Variants in SH3BP4 observed in about 807,000 individuals in gnomAD.
The protein encoded by SH3BP4 is SH3 domain-binding protein 4.
A neutral mutation model predicts 65.5 loss-of-function variants in SH3BP4; 33 were observed. The observed-to-expected ratio is 0.50, with a 90% CI of 0.38 to 0.67. SH3BP4 has a LOEUF of 0.67. SH3BP4 is among the 30% of genes least tolerant of loss of function. The pLI is 0.00. For synonymous variants in SH3BP4, 552 were observed against 545.5 expected (o/e 1.01, Z -0.17); for missense variants, 1,134 against 1,261.4 (o/e 0.90, Z 1.53).
chr2:234,955,547 C>T (rs1309743246), intron 1 of SH3BP4, among the ~76,000 whole-genome samples: 1 of 152,112 alleles, frequency 6.6e-6, no homozygotes, highest in Non-Finnish European at 1.5e-5. Flanking sequence ...TCTCAATAAT[C>T]AGTCTTCAGA....
chr2:235,034,284 A>G lies in SH3BP4; in HGVS notation c.-132-587A>G, dbSNP rs773742828. Among the ~76,000 whole-genome samples, 1 of 152,202 alleles carries G rather than the reference A, an allele frequency of 6.6e-6. No individual in the cohort carries two copies. The highest frequency in any genetic ancestry group is 2.1e-4 in the South Asian group (1 of 4,834). On this transcript the variant is annotated intron_variant, in intron 2 of 5. Transcript: ENST00000392011. This position sits in a 1 kb window ranked among gnomAD's most constrained non-coding sequence, Gnocchi z 6.2. ...GGTTTCATCTGCATACGTTGCATTG[A>G]GAATACCTTATGGCCGCTCTGTGTT...
Position 234,982,922 on chromosome 2 carries a change from G to T in SH3BP4, c.-206-12381G>T, listed in dbSNP as rs901669366. On this transcript the variant is annotated intron_variant, in intron 1 of 5. Transcript: ENST00000392011. ...CTTGAGCCGGGGATAATACAATGAT[G>T]ATGAGGCAGTGGGGCTGTAAATTTG... is the stretch of plus-strand genomic sequence containing the variant. Among the ~76,000 whole-genome samples the T allele has an allele frequency of 3.3e-5, 5 of 152,176 alleles. No homozygotes were observed. The East Asian group carries it at 9.6e-4, about 29-fold the overall frequency.
intron 2 of SH3BP4, among the ~76,000 whole-genome samples, chr2:235,012,763 C>A (rs1694555023): frequency 6.6e-6 from 1 of 152,238 alleles, no homozygotes; most frequent in African/African-American, 2.4e-5. Context: ...CTAACCCCAA[C>A]ATGCATTTCC....
chr2:234,987,714 C>T lies in SH3BP4; in HGVS notation c.-206-7589C>T, dbSNP rs576864966. On this transcript the variant is annotated intron_variant, in intron 1 of 5. Coordinates refer to ENST00000392011, the MANE Select transcript of SH3BP4 (RefSeq NM_014521.3). ...TCGAAACCTTGGATTAAAACCTTCA[C>T]CCCCCACAGCCACAGTAGAGTCCAG... 1.1e-4 allele frequency among the ~76,000 whole-genome samples: 17 copies of T among 152,280 alleles called. No individual in the cohort carries two copies. The East Asian group carries it at 3.3e-3, about 29-fold the overall frequency.
rs761070183 is a variant in SH3BP4, at chr2:235,042,340, G to T, written c.1571G>T (p.Trp524Leu). Residue 524 changes from tryptophan to leucine, a missense_variant, in exon 4 of 6, where the codon TGG becomes TTG. Transcript: ENST00000392011. The surrounding 1 kb of genome is among the most constrained non-coding windows in gnomAD (Gnocchi z 7.3). ...PNPAPVALQL[W>L]GKHQFVLSRP... is the part of the protein sequence containing the mutation. Reference sequence around the variant, plus strand: ...CCTGCCCCGGTGGCCCTGCAGCTGTGGGGGAAGCACCAGTTCGTTTTGTCC... The same window carrying T: ...CCTGCCCCGGTGGCCCTGCAGCTGTTGGGGAAGCACCAGTTCGTTTTGTCC... 8.1e-6 allele frequency: 13 copies of T among 1,614,174 alleles called. No homozygotes were observed. Among genetic ancestry groups the T allele is most frequent in the Non-Finnish European group, 1.1e-5 (13 of 1,180,034 alleles).
Position 235,025,961 on chromosome 2 carries a change from G to A in SH3BP4, c.-132-8910G>A, listed in dbSNP as rs186053406. On this transcript the variant is annotated intron_variant, in intron 2 of 5. Coordinates refer to ENST00000392011, the MANE Select transcript of SH3BP4 (RefSeq NM_014521.3). ...TGTTTGGTGAGTGCATGGGATGTACGGAGGAAGGTGTGAAGAATCTGGAAA... is the reference window on the plus strand; with the variant it reads ...TGTTTGGTGAGTGCATGGGATGTACAGAGGAAGGTGTGAAGAATCTGGAAA... Among the ~76,000 whole-genome samples the A allele has an allele frequency of 1.4e-3, 219 of 152,326 alleles. 1 individual carries two copies. The highest frequency in any genetic ancestry group is 2.6e-3 in the Non-Finnish European group (176 of 68,040).
chr2:234,976,166 C>T lies in SH3BP4; in HGVS notation c.-206-19137C>T, dbSNP rs960121311. 1.3e-5 allele frequency among the ~76,000 whole-genome samples: 2 copies of T among 152,144 alleles called. No homozygotes were observed. Among genetic ancestry groups the T allele is most frequent in the South Asian group, 2.1e-4 (1 of 4,826 alleles). Reference sequence around the variant, plus strand: ...TAGTGACCCCTGTGGAGGACTCCTGCGGATTCCCCATCTACCCATGAAGAG... The same window carrying T: ...TAGTGACCCCTGTGGAGGACTCCTGTGGATTCCCCATCTACCCATGAAGAG... On this transcript the variant is annotated intron_variant, in intron 1 of 5. Transcript: ENST00000392011. The surrounding 1 kb of genome is among the most constrained non-coding windows in gnomAD (Gnocchi z 4.7).
intron 1 of SH3BP4, among the ~76,000 whole-genome samples, chr2:234,959,903 C>T (rs13406289): frequency 0.013 from 2,021 of 152,252 alleles, 44 homozygotes; most frequent in East Asian, 0.047. Context: ...CTGCCCACCT[C>T]GGCCTCCCAA....
chr2:235,019,066 G>A lies in SH3BP4; in HGVS notation c.-132-15805G>A, dbSNP rs544353687. On this transcript the variant is annotated intron_variant, in intron 2 of 5. Transcript: ENST00000392011. ...AGGGTCCTGGGGCAGGAACAGTTCC[G>A]TTGTGCACCAGGAAGGAGCAAAGTC... Among the ~76,000 whole-genome samples, 5 of 152,330 alleles carry A rather than the reference G, an allele frequency of 3.3e-5. No individual in the cohort carries two copies. The South Asian group carries it at 8.3e-4, about 25-fold the overall frequency.
rs994765381 is a variant in SH3BP4 at position 234,967,721 on chromosome 2, C to T, written c.-207+15551C>T. On this transcript the variant is annotated intron_variant, in intron 1 of 5. Transcript: ENST00000392011. The surrounding 1 kb of genome is among the most constrained non-coding windows in gnomAD (Gnocchi z 4.6). ...ACAGGTGTCACTGAAGCCCCTCACCCAGTGACCCAGTGATGCTGAGTCCCG... is the reference window on the plus strand; with the variant it reads ...ACAGGTGTCACTGAAGCCCCTCACCTAGTGACCCAGTGATGCTGAGTCCCG... Among the ~76,000 whole-genome samples the T allele has an allele frequency of 5.3e-5, 8 of 152,202 alleles. No homozygotes were observed. Among genetic ancestry groups the T allele is most frequent in the African/African-American group, 1.9e-4 (8 of 41,454 alleles).
At chr2:235,050,490 C>G (rs775591144) in intron 4 of SH3BP4, among the ~76,000 whole-genome samples, 1 of 152,120 alleles carries the variant, frequency 6.6e-6, no homozygotes, top group Non-Finnish European at 1.5e-5. Context: ...TGGCCAGCCT[C>G]GTTGGTAGCC....
chr2:235,048,236 C>T (rs1695936506), intron 4 of SH3BP4, among the ~76,000 whole-genome samples: 1 of 152,144 alleles, frequency 6.6e-6, no homozygotes. Flanking sequence ...AAGGCTTCCC[C>T]TCGAGTTTTG....
chr2:234,988,711 G>A (rs942150827), intron 1 of SH3BP4, among the ~76,000 whole-genome samples: 2 of 152,176 alleles, frequency 1.3e-5, no homozygotes, highest in East Asian at 1.9e-4. Flanking sequence ...AGGAGCTCAC[G>A]GTGTGTAGGG....
chr2:235,023,546 C>T (rs925050732), intron 2 of SH3BP4, among the ~76,000 whole-genome samples: 5 of 151,668 alleles, frequency 3.3e-5, no homozygotes, highest in Admixed American at 2.0e-4. Flanking sequence ...GACTCCATCT[C>T]GGGCGGTGGG....
At position 234,967,317 on chromosome 2, in the gene SH3BP4, C is replaced by T. The variant is rs905245212; in HGVS notation, c.-207+15147C>T. 6.6e-6 allele frequency among the ~76,000 whole-genome samples: 1 copy of T among 151,998 alleles called. No individual in the cohort carries two copies. Among genetic ancestry groups the T allele is most frequent in the African/African-American group, 2.4e-5 (1 of 41,360 alleles). On this transcript the variant is annotated intron_variant, in intron 1 of 5. Transcript: ENST00000392011. The surrounding 1 kb of genome is among the most constrained non-coding windows in gnomAD (Gnocchi z 4.6). ...TTGTGGGAGGTAGGGAACCTGAGGT[C>T]GCAGATGACGTGTGAGGGTGGGCGG...
intron 4 of SH3BP4, among the ~76,000 whole-genome samples, chr2:235,043,948 C>T (rs67041420): frequency 0.34 from 52,122 of 152,204 alleles, 9,115 homozygotes; most frequent in East Asian, 0.56. Flanking sequence ...AATCTGTGAG[C>T]TCCAAGAGGG....
chr2:235,044,588 G>A (rs115880987), intron 4 of SH3BP4, among the ~76,000 whole-genome samples: 2,054 of 152,346 alleles, frequency 0.013, 45 homozygotes, highest in African/African-American at 0.047. Flanking sequence ...GTTCCTCTGA[G>A]CCCGCAGGCT....
chr2:235,024,711 T>C (rs1694945766), intron 2 of SH3BP4, among the ~76,000 whole-genome samples: 1 of 152,188 alleles, frequency 6.6e-6, no homozygotes. Flanking sequence ...AGATGCACTT[T>C]AAAACATTCC....
rs1693743679 is a variant in SH3BP4, at chr2:234,991,411, G to T, written c.-206-3892G>T. On this transcript the variant is annotated intron_variant, in intron 1 of 5. Transcript: ENST00000392011. This position sits in a 1 kb window ranked among gnomAD's most constrained non-coding sequence, Gnocchi z 4.2. Reference sequence around the variant, plus strand: ...CCCTTCTCTCTGCACCGTGGGAGAAGACACTTGTGTTTTGAGCTGCTGAAG... The same window carrying T: ...CCCTTCTCTCTGCACCGTGGGAGAATACACTTGTGTTTTGAGCTGCTGAAG... 6.6e-6 allele frequency among the ~76,000 whole-genome samples: 1 copy of T among 152,230 alleles called. No individual in the cohort carries two copies.
Sources: gnomAD v4.1 joint callset for allele counts (sites outside exome capture counted in the v4.1 genomes callset) on GRCh38, gnomAD v4.1.1 for gene constraint, Gnocchi (gnomAD v3.1) non-coding constraint, MANE v1.5 for transcripts, NCBI Gene and HGNC (gene_info 2026-07-23, HGNC 2026-07-21) for gene names.